The following CLEC7A variants were observed in gnomAD, a reference collection of about 807,000 sequenced individuals.
The protein encoded by CLEC7A is C-type lectin domain family 7 member A.
A neutral mutation model predicts 26.9 loss-of-function variants in CLEC7A; 25 were observed. The observed-to-expected ratio is 0.93, with a 90% CI of 0.68 to 1.30. CLEC7A has a LOEUF of 1.30. Ranked by LOEUF, CLEC7A falls within the 50% of genes most tolerant of loss-of-function variation. The pLI, the probability that CLEC7A is intolerant of heterozygous loss-of-function variation, is 0.00. For synonymous variants in CLEC7A, 100 were observed against 99.5 expected (o/e 1.01, Z -0.03); for missense variants, 275 against 286.7 (o/e 0.96, Z 0.29).
chr12:10,119,326 G>A (rs1948006189), intron 5 of CLEC7A, among the ~76,000 whole-genome samples: 1 of 152,160 alleles, frequency 6.6e-6, no homozygotes, highest in Non-Finnish European at 1.5e-5. Context: ...CTTTGCTTTA[G>A]CGATGACTAA....
At chr12:10,125,033 T>C (rs960758398) in intron 4 of CLEC7A, 2 of 430,706 alleles carry the variant, frequency 4.6e-6, no homozygotes, top group Non-Finnish European at 8.6e-6. Context: ...CTCGTCTCTA[T>C]GAAAAATACA....
Position 10,118,580 on chromosome 12 carries a change from T to C in CLEC7A, c.622A>G (p.Arg208Gly), listed in dbSNP as rs1947980418. The change falls in exon 6 of 6, where the codon AGA becomes GGA. Residue 208 changes from arginine (R) to glycine (G), a missense_variant. Coordinates refer to ENST00000304084, the MANE Select transcript of CLEC7A (RefSeq NM_197947.3). Reference protein sequence around the residue: ...STFSSNLFQIRTTATQENPSP... With the variant: ...STFSSNLFQIGTTATQENPSP... Reference sequence around the variant, plus strand: ...GGGTTTTCTTGGGTAGCTGTGGTTCTGATCTGAAATCTGTTAAAATAGAAT... The same window carrying C: ...GGGTTTTCTTGGGTAGCTGTGGTTCCGATCTGAAATCTGTTAAAATAGAAT... 1 of 1,612,812 alleles carries C rather than the reference T, an allele frequency of 6.2e-7. No homozygotes were observed. The highest frequency in any genetic ancestry group is 8.5e-7 in the Non-Finnish European group (1 of 1,179,282).
Position 10,117,821 on chromosome 12 carries a change from G to A in CLEC7A, c.*637C>T, listed in dbSNP as rs575868364. The A allele has an allele frequency of 1.0e-4, 16 of 152,522 alleles. No individual in the cohort carries two copies. Among genetic ancestry groups the A allele is most frequent in the Admixed American group, 4.6e-4 (7 of 15,290 alleles). The allele number at this position is 152,522 out of a possible 1,614,324, so 9.4% of individuals were successfully genotyped here. On this transcript the variant is annotated 3_prime_UTR_variant, in exon 6 of 6. Coordinates refer to ENST00000304084, the MANE Select transcript of CLEC7A (RefSeq NM_197947.3). ...CACCGTGCACTTCAATGGCATTGTT[G>A]AGCATGAAACAACTCTGATAGAGCC...
chr12:10,119,197 G>A (rs1224346906), intron 5 of CLEC7A, among the ~76,000 whole-genome samples: 2 of 152,204 alleles, frequency 1.3e-5, no homozygotes, highest in African/African-American at 4.8e-5. Context: ...AAGTAGCAGT[G>A]TTAATGAGTC....
Position 10,118,519 on chromosome 12 carries a change from ATGAC to A in CLEC7A, c.679_682del (p.Val227PhefsTer32), listed in dbSNP as rs1296048086. Reference sequence around the variant, plus strand: ...GGGCACACTACACAGTTGGTCATAAATGACTGACACGTGAATCCATACACAATTT... The same window carrying A: ...GGGCACACTACACAGTTGGTCATAAATGACACGTGAATCCATACACAATTT... On this transcript the variant is annotated frameshift_variant, in exon 6 of 6. Transcript: ENST00000304084. LOFTEE classifies it high-confidence loss of function. The A allele has an allele frequency of 6.2e-7, 1 of 1,612,924 alleles. No homozygotes were observed. Among genetic ancestry groups the A allele is most frequent in the South Asian group, 1.1e-5 (1 of 91,058 alleles).
chr12:10,123,285 G>A lies in CLEC7A; in HGVS notation c.571C>T (p.Pro191Ser). ...IGLSRPQTEVPWLWEDGSTFS... is the reference protein window; with the variant it reads ...IGLSRPQTEVSWLWEDGSTFS... ...GTTGATCCATCCTCCCAGAGCCATG[G>A]TACCTCAGTCTGGGGCCGAGAAAGG... is the stretch of plus-strand genomic sequence containing the variant. The change falls in exon 5 of 6, where the codon CCA (proline) becomes TCA (serine). Residue 191 changes from proline (P) to serine (S), a missense_variant. By Grantham distance (74) the Pro-to-Ser change is moderately conservative (BLOSUM62 -1). Coordinates refer to ENST00000304084, the MANE Select transcript of CLEC7A (RefSeq NM_197947.3). 2 of 1,612,944 alleles carry A rather than the reference G, an allele frequency of 1.2e-6. No individual in the cohort carries two copies. The highest frequency in any genetic ancestry group is 1.7e-6 in the Non-Finnish European group (2 of 1,178,960).
At chr12:10,125,089 A>C in intron 4 of CLEC7A, 1 of 636,550 alleles carries the variant, frequency 1.6e-6, no homozygotes, top group South Asian at 1.6e-5. Flanking sequence ...AGTCCTACCT[A>C]CTCAGGAAGC....
At chr12:10,127,696 A>G (rs1406132489) in intron 2 of CLEC7A, 51 bp downstream of exon 2, 2 of 1,261,598 alleles carry the variant, frequency 1.6e-6, no homozygotes, top group African/African-American at 1.5e-5. Flanking sequence ...CTGGCACATA[A>G]TAATTGCTTA....
chr12:10,118,634 G>T lies in CLEC7A; in HGVS notation c.612-44C>A, dbSNP rs747946367. 3.2e-6 allele frequency: 5 copies of T among 1,544,590 alleles called. No homozygotes were observed. In the Admixed American group the frequency reaches 8.7e-5, roughly 27 times the overall value. On this transcript the variant is annotated intron_variant, in intron 5 of 5. Transcript: ENST00000304084. ...GTGAGGTAATTAGAACAAATGTTAA[G>T]GAATACTGTCTACATGGCGCACAAA...
intron 2 of CLEC7A, 27 bp from the exon 3 acceptor site, chr12:10,126,735 G>A (rs1253763844): frequency 1.9e-6 from 3 of 1,563,758 alleles, no homozygotes; most frequent in Admixed American, 1.9e-5. Flanking sequence ...TAATAATAGT[G>A]ACAGAAAAAA....
At position 10,126,468 on chromosome 12, in the gene CLEC7A, A is replaced by C. The variant is rs1038634141; in HGVS notation, c.340+103T>G. On this transcript the variant is annotated intron_variant, in intron 3 of 5. Coordinates refer to ENST00000304084, the MANE Select transcript of CLEC7A (RefSeq NM_197947.3). ...ATATGTGTATTTGCCTTAAATTTAC[A>C]ATCATTGAATCTAAGTGTTTTTCTT... The C allele has an allele frequency of 4.1e-6, 6 of 1,461,658 alleles. No homozygotes were observed. In the African/African-American group the frequency reaches 8.6e-5, roughly 21 times the overall value. The allele number at this position is 1,461,658 out of a possible 1,614,324, so 90.5% of individuals were successfully genotyped here. A position where few individuals can be genotyped will look rare whatever the true frequency, so the allele number is the denominator to read the frequency against.
At chr12:10,127,566 C>A (rs747151440) in intron 2 of CLEC7A, 181 bp downstream of exon 2, 1 of 1,031,700 alleles carries the variant, frequency 9.7e-7, no homozygotes, top group South Asian at 1.3e-5. Flanking sequence ...AAAATAACCT[C>A]TCAGTCTCTC....
At chr12:10,123,419 A>C in intron 4 of CLEC7A, 56 bp from the exon 5 acceptor site, 1 of 1,073,238 alleles carries the variant, frequency 9.3e-7, no homozygotes, top group South Asian at 1.3e-5. Flanking sequence ...AGAGAAAGAA[A>C]CTATTATCAT....
rs762246474 is a variant in CLEC7A, at chr12:10,129,974, A to G, written c.103+6T>C. The G allele has an allele frequency of 1.3e-6, 2 of 1,533,632 alleles. No individual in the cohort carries two copies. Among genetic ancestry groups the G allele is most frequent in the Non-Finnish European group, 1.8e-6 (2 of 1,107,194 alleles). ...AAGGCACACATTAGAAAAAACATAT[A>G]TATACCTTTCTCTGAAACAACAGCT... On this transcript the variant is annotated splice_donor_region_variant and intron_variant, in intron 1 of 5. Coordinates refer to ENST00000304084, the MANE Select transcript of CLEC7A (RefSeq NM_197947.3).
intron 1 of CLEC7A, among the ~76,000 whole-genome samples, chr12:10,129,137 C>T (rs1359776712): frequency 6.6e-6 from 1 of 152,106 alleles, no homozygotes; most frequent in Non-Finnish European, 1.5e-5. Context: ...AGACTCATGT[C>T]CTGCTGGTGG....
At chr12:10,127,340 AATTT>A (rs1948324089) in intron 2 of CLEC7A, 4 of 1,552,730 alleles carry the variant, frequency 2.6e-6, no homozygotes, top group Non-Finnish European at 3.5e-6. Context: ...CCATTTAGTG[AATTT>A]ATTTCATTAG....
chr12:10,127,174 C>T, intron 2 of CLEC7A: 1 of 1,047,864 alleles, frequency 9.5e-7, no homozygotes, highest in Non-Finnish European at 1.3e-6. Context: ...CAACAGATTG[C>T]ATGTGATATA....
intron 2 of CLEC7A, chr12:10,127,000 A>G (rs1591960329): frequency 6.6e-6 from 9 of 1,371,796 alleles, no homozygotes; most frequent in South Asian, 3.9e-5. Context: ...CATAGAGTCA[A>G]TTGGACCCAT....
At chr12:10,125,889 A>G (rs979090744) in intron 3 of CLEC7A, among the ~76,000 whole-genome samples, 3 of 152,228 alleles carry the variant, frequency 2.0e-5, no homozygotes, top group Non-Finnish European at 4.4e-5. Flanking sequence ...TATTCATATT[A>G]TACACTATCT....
Sources: gnomAD v4.1 joint callset for allele counts (sites outside exome capture counted in the v4.1 genomes callset) on GRCh38, gnomAD v4.1.1 for gene constraint, MANE v1.5 for transcripts, NCBI Gene and HGNC (gene_info 2026-07-23, HGNC 2026-07-21) for gene names.